Variants in MTSS1 observed in about 807,000 individuals in gnomAD.
MTSS1 encodes the protein protein MTSS 1.
In MTSS1, 18 loss-of-function variants were observed where a neutral mutation model predicts 79.0. That is an observed-to-expected ratio of 0.23 (90% CI 0.16 to 0.34). The LOEUF (loss-of-function observed/expected upper bound fraction) is 0.34, where lower values mean the gene tolerates loss of function less well. Ranked by LOEUF, MTSS1 falls within the 10% of genes least tolerant of loss-of-function variation. The pLI is 1.00. For synonymous variants in MTSS1, 341 were observed against 368.6 expected (o/e 0.93, Z 0.86); for missense variants, 815 against 986.2 (o/e 0.83, Z 2.33).
intron 3 of MTSS1, among the ~76,000 whole-genome samples, chr8:124,595,324 T>G (rs557349475): frequency 7.9e-5 from 12 of 152,314 alleles, no homozygotes; most frequent in Non-Finnish European, 1.6e-4. Flanking sequence ...TATTATCTTA[T>G]AGTTCTGGAA....
chr8:124,636,512 A>G (rs1446189885), intron 3 of MTSS1, among the ~76,000 whole-genome samples: 1 of 152,198 alleles, frequency 6.6e-6, no homozygotes, highest in Non-Finnish European at 1.5e-5. Context: ...TCATTAACTG[A>G]GGGAGCTTAC....
intron 2 of MTSS1, among the ~76,000 whole-genome samples, chr8:124,702,658 C>T (rs944541298): frequency 6.6e-6 from 1 of 152,086 alleles, no homozygotes; most frequent in South Asian, 2.1e-4. Context: ...GGCAAAGGCC[C>T]GAGAGCATCA....
At chr8:124,566,762 T>C (rs1826583029) in intron 8 of MTSS1, among the ~76,000 whole-genome samples, 1 of 152,212 alleles carries the variant, frequency 6.6e-6, no homozygotes, top group Admixed American at 6.5e-5. Context: ...TCAGTTCCAC[T>C]ACCTGCTAGC....
At chr8:124,648,709 G>GCCCCCC (rs565378341) in intron 3 of MTSS1, among the ~76,000 whole-genome samples, 16 of 147,860 alleles carry the variant, frequency 1.1e-4, no homozygotes, top group African/African-American at 3.3e-4. Context: ...CCAAATAGCA[G>GCCCCCC]CCCCCCCCCA....
chr8:124,672,858 T>TGC (rs1437583739), intron 3 of MTSS1, among the ~76,000 whole-genome samples: 4 of 148,368 alleles, frequency 2.7e-5, no homozygotes, highest in Non-Finnish European at 4.5e-5. Context: ...CACACACACA[T>TGC]ATGCACACAC....
rs145945945 is a variant in MTSS1 at position 124,568,017 on chromosome 8, G to A, written c.618+362C>T. On this transcript the variant is annotated intron_variant, in intron 7 of 13. Transcript: ENST00000518547. ...TGGAGTGCTCCTTTAAAACACAGAC[G>A]ACTGGGTCCCCACCCCCAGAGGTTT... is the stretch of plus-strand genomic sequence containing the variant. 1,180 of 1,209,416 alleles carry A rather than the reference G, an allele frequency of 9.8e-4. 11 individuals carry two copies. In the African/African-American group the frequency reaches 0.016, roughly 16 times the overall value. The allele number at this position is 1,209,416 out of a possible 1,614,324, so 74.9% of individuals were successfully genotyped here.
rs117410913 is a variant in MTSS1 at position 124,724,043 on chromosome 8, G to A, written c.72+3841C>T. On this transcript the variant is annotated intron_variant, in intron 1 of 13. Transcript: ENST00000518547. Reference sequence around the variant, plus strand: ...CCACAGGACAAGGAGCTCTCCAAGGGCAGAGCCTAGCAAAAGGCCTTCTAC... The same window carrying A: ...CCACAGGACAAGGAGCTCTCCAAGGACAGAGCCTAGCAAAAGGCCTTCTAC... Among the ~76,000 whole-genome samples the A allele has an allele frequency of 4.6e-3, 694 of 152,186 alleles. 2 individuals carry two copies. The highest frequency in any genetic ancestry group is 8.5e-3 in the Non-Finnish European group (575 of 67,994).
intron 1 of MTSS1, among the ~76,000 whole-genome samples, chr8:124,721,428 T>TTTTA (rs1832913592): frequency 9.7e-6 from 1 of 103,400 alleles, no homozygotes; most frequent in African/African-American, 3.2e-5. Flanking sequence ...TTTTTTTTTT[T>TTTTA]GAGACAGAGT....
intron 3 of MTSS1, among the ~76,000 whole-genome samples, chr8:124,628,408 T>C (rs912568856): frequency 8.5e-5 from 13 of 152,136 alleles, no homozygotes; most frequent in Non-Finnish European, 1.8e-4. Flanking sequence ...TCCAGTGATA[T>C]GAACCGGCAG....
intron 1 of MTSS1, among the ~76,000 whole-genome samples, chr8:124,722,344 C>T (rs982532142): frequency 3.9e-5 from 6 of 152,162 alleles, no homozygotes; most frequent in Admixed American, 3.9e-4. Flanking sequence ...ACTGTCACCT[C>T]CAAACAAATC....
chr8:124,685,525 G>A (rs1322979795), intron 3 of MTSS1, among the ~76,000 whole-genome samples: 4 of 152,180 alleles, frequency 2.6e-5, no homozygotes, highest in Non-Finnish European at 5.9e-5. Flanking sequence ...GCGTCCTGGA[G>A]GAGAGACCGC....
Position 124,553,684 on chromosome 8 carries a change from A to G in MTSS1, c.1576T>C (p.Tyr526His). ...TCACCACTTACAGAGAAATAATCAT[A>G]ATCTGAAACTGATTATAGGATTTGA... The part of the protein sequence containing the change: ...EDTIPSQVSD[Y>H]DYFSVSGDQE... Residue 526 changes from tyrosine (Y) to histidine (H), a missense_variant, in exon 14 of 14, where the codon TAT (tyrosine) becomes CAT (histidine). Around this residue, in one of 2 missense-constraint regions of MTSS1, gnomAD observed 590 missense variants for 620.8 expected, o/e 0.95. Coordinates refer to ENST00000518547, the MANE Select transcript of MTSS1 (RefSeq NM_014751.6). The surrounding 1 kb of genome is among the most constrained non-coding windows in gnomAD (Gnocchi z 6.0). 6.2e-7 allele frequency: 1 copy of G among 1,607,412 alleles called. No homozygotes were observed. The highest frequency in any genetic ancestry group is 8.5e-7 in the Non-Finnish European group (1 of 1,175,544).
At chr8:124,628,462 T>C (rs1815191232) in intron 3 of MTSS1, among the ~76,000 whole-genome samples, 1 of 152,084 alleles carries the variant, frequency 6.6e-6, no homozygotes, top group Non-Finnish European at 1.5e-5. Flanking sequence ...TGATCCTTAT[T>C]AGCAGGAAAG....
chr8:124,681,942 C>T (rs1826192253), intron 3 of MTSS1, among the ~76,000 whole-genome samples: 1 of 152,170 alleles, frequency 6.6e-6, no homozygotes, highest in African/African-American at 2.4e-5. Flanking sequence ...TACTATGAAC[C>T]AGGCACTGAA....
intron 1 of MTSS1, among the ~76,000 whole-genome samples, chr8:124,708,182 G>A (rs560737406): frequency 6.6e-6 from 1 of 152,332 alleles, no homozygotes; most frequent in East Asian, 1.9e-4. Flanking sequence ...CATTTGCTAT[G>A]CGACACTGGG....
At position 124,565,674 on chromosome 8, in the gene MTSS1, G is replaced by A; in HGVS notation, c.812C>T (p.Ser271Phe). ...SSPSTTMSRK[S>F]SVCSSLNSVN... ...CGGCTTCACTCACCTGCAGACACTG[G>A]ACTTTCTGGACATGGTGGTGCTGGG... The change falls in exon 9 of 14, where the codon TCC (serine) becomes TTC (phenylalanine). Residue 271 changes from serine to phenylalanine, a missense_variant. By Grantham distance (155) the Ser-to-Phe change is radical. This residue lies in a region of MTSS1 where 225 missense variants were observed against 365.4 expected (regional missense o/e 0.62). Coordinates refer to ENST00000518547, the MANE Select transcript of MTSS1 (RefSeq NM_014751.6). The A allele has an allele frequency of 6.2e-7, 1 of 1,613,978 alleles. No homozygotes were observed. The highest frequency in any genetic ancestry group is 8.5e-7 in the Non-Finnish European group (1 of 1,179,884).
intron 1 of MTSS1, among the ~76,000 whole-genome samples, chr8:124,715,223 C>A (rs1831756922): frequency 6.6e-6 from 1 of 152,236 alleles, no homozygotes; most frequent in South Asian, 2.1e-4. Context: ...ATACCCTGAA[C>A]AGACACACAA....
At chr8:124,609,698 A>AGACAGCGACCACCTTGGAGG (rs1212966337) in intron 3 of MTSS1, among the ~76,000 whole-genome samples, 1 of 152,242 alleles carries the variant, frequency 6.6e-6, no homozygotes, top group Admixed American at 6.5e-5. Context: ...GTCCTTCATT[A>AGACAGCGACCACCTTGGAGG]GACAGCGACC....
intron 1 of MTSS1, among the ~76,000 whole-genome samples, chr8:124,709,602 C>T (rs941596123): frequency 2.6e-5 from 4 of 152,150 alleles, no homozygotes; most frequent in South Asian, 4.1e-4. Context: ...CTTGGCAGTG[C>T]GTTCGTTGAA....
Sources: gnomAD v4.1 joint callset for allele counts (sites outside exome capture counted in the v4.1 genomes callset) on GRCh38, gnomAD v4.1.1 for gene constraint, gnomAD v4.1.1 regional missense constraint, Gnocchi (gnomAD v3.1) non-coding constraint, MANE v1.5 for transcripts, NCBI Gene and HGNC (gene_info 2026-07-23, HGNC 2026-07-21) for gene names.